The following CACNA1E variants were observed in gnomAD, a reference collection of about 807,000 sequenced individuals.
CACNA1E encodes calcium voltage-gated channel subunit alpha1 E.
Under a neutral mutation model 259.2 loss-of-function variants are expected in CACNA1E, and 40 were observed. The observed-to-expected ratio is 0.15, with a 90% CI of 0.12 to 0.20. The LOEUF is 0.20. Ranked by LOEUF, CACNA1E falls within the 10% of genes least tolerant of loss-of-function variation. CACNA1E has a pLI of 1.00. For synonymous variants in CACNA1E, 1,104 were observed against 1,138.5 expected (o/e 0.97, Z 0.61); for missense variants, 1,874 against 3,040.1 (o/e 0.62, Z 9.02).
chr1:181,380,404 A>C (rs1343178710), intron 1 of CACNA1E, among the ~76,000 whole-genome samples: 1 of 152,180 alleles, frequency 6.6e-6, no homozygotes, highest in Non-Finnish European at 1.5e-5. Flanking sequence ...TCAAGAAAAT[A>C]ATAAAGATCA....
At chr1:181,670,130 G>A (rs1253655134) in intron 7 of CACNA1E, among the ~76,000 whole-genome samples, 1 of 152,164 alleles carries the variant, frequency 6.6e-6, no homozygotes, top group Non-Finnish European at 1.5e-5. Context: ...ATGGAAATTT[G>A]TAATAACATT....
chr1:181,320,732 G>A (rs1650274549), intron 1 of CACNA1E, among the ~76,000 whole-genome samples: 1 of 152,128 alleles, frequency 6.6e-6, no homozygotes, highest in South Asian at 2.1e-4. Context: ...TCAGCCGGGG[G>A]GGTGATGGCT....
At chr1:181,473,365 G>A (rs914176449) in intron 2 of CACNA1E, among the ~76,000 whole-genome samples, 1 of 152,220 alleles carries the variant, frequency 6.6e-6, no homozygotes, top group Non-Finnish European at 1.5e-5. Flanking sequence ...ATGGGCAATA[G>A]CATACCCTTT....
At chr1:181,637,256 T>C (rs1393402245) in intron 6 of CACNA1E, among the ~76,000 whole-genome samples, 2 of 152,200 alleles carry the variant, frequency 1.3e-5, no homozygotes, top group African/African-American at 2.4e-5. Flanking sequence ...AAGTTCTTTG[T>C]GGCAAGATAT....
intron 1 of CACNA1E, among the ~76,000 whole-genome samples, chr1:181,378,402 G>A (rs1655242934): frequency 6.6e-6 from 1 of 152,212 alleles, no homozygotes; most frequent in African/African-American, 2.4e-5. Context: ...TCTTGAGAGA[G>A]ATTCCAGGCT....
At chr1:181,694,171 G>A (rs558133592) in intron 7 of CACNA1E, among the ~76,000 whole-genome samples, 19 of 152,298 alleles carry the variant, frequency 1.2e-4, no homozygotes, top group African/African-American at 4.3e-4. Context: ...ACCACGTGAT[G>A]TTTAATTCGT....
At chr1:181,791,854 C>T (rs1158921358) in intron 44 of CACNA1E, among the ~76,000 whole-genome samples, 1 of 152,198 alleles carries the variant, frequency 6.6e-6, no homozygotes, top group Non-Finnish European at 1.5e-5. Flanking sequence ...CAGAGCCACC[C>T]TGAATGATGT....
chr1:181,333,066 T>G (rs1165569833), intron 1 of CACNA1E, among the ~76,000 whole-genome samples: 2 of 152,174 alleles, frequency 1.3e-5, no homozygotes, highest in South Asian at 2.1e-4. Context: ...GTGTGCTAAC[T>G]GGATCTCTCT....
intron 1 of CACNA1E, among the ~76,000 whole-genome samples, chr1:181,389,957 C>A (rs532935253): frequency 2.6e-5 from 4 of 152,360 alleles, no homozygotes; most frequent in African/African-American, 7.2e-5. Context: ...AGGAGACTGA[C>A]GTGGCTGCAG....
intron 7 of CACNA1E, among the ~76,000 whole-genome samples, chr1:181,684,347 A>G (rs916386393): frequency 2.0e-5 from 3 of 151,800 alleles, no homozygotes; most frequent in Non-Finnish European, 4.4e-5. Flanking sequence ...TTCACTGTTG[A>G]TTTAAGTTTC....
intron 2 of CACNA1E, among the ~76,000 whole-genome samples, chr1:181,467,098 G>A (rs536646062): frequency 2.0e-5 from 3 of 152,320 alleles, no homozygotes; most frequent in African/African-American, 7.2e-5. Flanking sequence ...TTAGAAAAGT[G>A]ATCATTGGTA....
At chr1:181,401,350 C>T (rs1657090681) in intron 1 of CACNA1E, among the ~76,000 whole-genome samples, 1 of 152,158 alleles carries the variant, frequency 6.6e-6, no homozygotes, top group Admixed American at 6.5e-5. Flanking sequence ...TCCCCAAGAC[C>T]CTCTATAGCC....
intron 7 of CACNA1E, among the ~76,000 whole-genome samples, chr1:181,677,518 C>G (rs972753715): frequency 1.3e-5 from 2 of 152,164 alleles, no homozygotes; most frequent in Non-Finnish European, 2.9e-5. Context: ...AGAGTAGTCA[C>G]AAAACACAAA....
At chr1:181,659,387 A>G (rs1239217649) in intron 7 of CACNA1E, among the ~76,000 whole-genome samples, 3 of 152,244 alleles carry the variant, frequency 2.0e-5, no homozygotes, top group Non-Finnish European at 4.4e-5. Flanking sequence ...CTCAAAGGAA[A>G]TGGGATTTGA....
chr1:181,634,135 G>A (rs1335490352), intron 6 of CACNA1E, among the ~76,000 whole-genome samples: 1 of 152,188 alleles, frequency 6.6e-6, no homozygotes, highest in African/African-American at 2.4e-5. Context: ...ATGTGGGTTT[G>A]AATTCTAGCT....
At chr1:181,746,318 CTCTT>C (rs1657082017) in intron 25 of CACNA1E, among the ~76,000 whole-genome samples, 1 of 152,206 alleles carries the variant, frequency 6.6e-6, no homozygotes, top group South Asian at 2.1e-4. Flanking sequence ...TGCTTTCACA[CTCTT>C]TATTTTATTT....
At chr1:181,779,885 C>A (rs534825456) in intron 38 of CACNA1E, among the ~76,000 whole-genome samples, 9 of 151,098 alleles carry the variant, frequency 6.0e-5, no homozygotes, top group Non-Finnish European at 1.0e-4. Context: ...ATCAGAGGGA[C>A]CTCTCCTTTC....
intron 2 of CACNA1E, among the ~76,000 whole-genome samples, chr1:181,461,034 G>A (rs1017248314): frequency 6.6e-6 from 1 of 152,186 alleles, no homozygotes; most frequent in East Asian, 1.9e-4. Context: ...GGATTGAATT[G>A]AGGTGGGTGC....
intron 2 of CACNA1E, among the ~76,000 whole-genome samples, chr1:181,472,279 G>A (rs1230890351): frequency 1.3e-5 from 2 of 152,258 alleles, no homozygotes; most frequent in Middle Eastern, 3.4e-3. Context: ...AAGTAGGTAT[G>A]TAGGATGAAT....
Sources: allele counts gnomAD v4.1 joint callset (sites outside exome capture counted in the v4.1 genomes callset), GRCh38; gene constraint gnomAD v4.1.1; transcripts MANE v1.5; gene names NCBI Gene and HGNC (gene_info 2026-07-23, HGNC 2026-07-21).